Variants in GNAT3 observed in about 807,000 individuals in gnomAD.
The protein encoded by GNAT3 is G protein subunit alpha transducin 3.
Under a neutral mutation model 37.7 loss-of-function variants are expected in GNAT3, and 31 were observed. The ratio of observed to expected loss-of-function variants is 0.82; its 90% CI spans 0.62 to 1.11. The LOEUF (loss-of-function observed/expected upper bound fraction) is 1.11. Ranked by LOEUF, GNAT3 falls within the 50% of genes most tolerant of loss-of-function variation. GNAT3 has a pLI of 0.00. For synonymous variants in GNAT3, 138 were observed against 139.8 expected (o/e 0.99, Z 0.09); for missense variants, 437 against 412.5 (o/e 1.06, Z -0.51).
chr7:80,503,058 T>TA (rs1790866627), intron 1 of GNAT3, among the ~76,000 whole-genome samples: 1 of 152,000 alleles, frequency 6.6e-6, no homozygotes, highest in Non-Finnish European at 1.5e-5. Context: ...TTATTTTTTT[T>TA]AAAAAAAGCC....
At chr7:80,495,497 G>A (rs1374914315) in intron 1 of GNAT3, among the ~76,000 whole-genome samples, 1 of 151,162 alleles carries the variant, frequency 6.6e-6, no homozygotes, top group Non-Finnish European at 1.5e-5. Context: ...TTGAGATCGA[G>A]TCCCACTCTG....
At chr7:80,479,062 T>C in intron 3 of GNAT3, 64 bp from the exon 4 acceptor site, 1 of 1,106,766 alleles carries the variant, frequency 9.0e-7, no homozygotes. Flanking sequence ...TATTTTCTAA[T>C]AGAGTAATTT....
intron 5 of GNAT3, among the ~76,000 whole-genome samples, chr7:80,465,115 T>C (rs941195317): frequency 6.6e-6 from 1 of 152,136 alleles, no homozygotes; most frequent in African/African-American, 2.4e-5. Context: ...GGATGATAAA[T>C]ATGCATTCAG....
At chr7:80,501,812 A>C (rs1584196662) in intron 1 of GNAT3, among the ~76,000 whole-genome samples, 3 of 151,944 alleles carry the variant, frequency 2.0e-5, no homozygotes, top group Non-Finnish European at 4.4e-5. Context: ...AGTTTGTCAT[A>C]TCAGTAAACA....
chr7:80,491,616 A>G (rs1790593017), intron 2 of GNAT3, among the ~76,000 whole-genome samples: 2 of 152,134 alleles, frequency 1.3e-5, no homozygotes, highest in African/African-American at 4.8e-5. Context: ...TAGAAGCTGA[A>G]GAAAAGTTTT....
At chr7:80,492,980 A>AT (rs1013616912) in intron 2 of GNAT3, among the ~76,000 whole-genome samples, 48 of 152,086 alleles carry the variant, frequency 3.2e-4, no homozygotes, top group African/African-American at 1.2e-3. Context: ...GCCTATCCCC[A>AT]TTTATGTATA....
At chr7:80,462,732 C>A in intron 5 of GNAT3, 101 bp from the exon 6 acceptor site, 1 of 765,984 alleles carries the variant, frequency 1.3e-6, no homozygotes, top group South Asian at 2.4e-5. Flanking sequence ...CCCCTATCTT[C>A]AAAAGGTATT....
chr7:80,490,624 C>T (rs1790573811), intron 2 of GNAT3, among the ~76,000 whole-genome samples: 2 of 152,164 alleles, frequency 1.3e-5, no homozygotes, highest in African/African-American at 4.8e-5. Context: ...CAAATAGATG[C>T]TCACAATTTT....
At chr7:80,488,184 G>A (rs1465595536) in intron 3 of GNAT3, among the ~76,000 whole-genome samples, 2 of 151,878 alleles carry the variant, frequency 1.3e-5, no homozygotes, top group African/African-American at 4.8e-5. Context: ...CTTTGAAATG[G>A]CATAACTAAA....
At chr7:80,471,475 T>A (rs1312535288) in intron 5 of GNAT3, among the ~76,000 whole-genome samples, 1 of 151,986 alleles carries the variant, frequency 6.6e-6, no homozygotes, top group Non-Finnish European at 1.5e-5. Context: ...ATGACCATGA[T>A]TTTCTGAGGA....
chr7:80,492,666 A>T (rs1790616757), intron 2 of GNAT3, among the ~76,000 whole-genome samples: 1 of 151,584 alleles, frequency 6.6e-6, no homozygotes, highest in Non-Finnish European at 1.5e-5. Flanking sequence ...ATGCCTATGC[A>T]TATTTTATTA....
intron 1 of GNAT3, among the ~76,000 whole-genome samples, chr7:80,510,433 A>G (rs981188984): frequency 6.6e-6 from 1 of 152,180 alleles, no homozygotes; most frequent in African/African-American, 2.4e-5. Flanking sequence ...TTTTATCACC[A>G]TTCTTATGTC....
At position 80,467,948 on chromosome 7, in the gene GNAT3, T is replaced by A. The variant is rs181316435; in HGVS notation, c.591-5317A>T. ...TTTTTTGGTCTTATTTATTTAAGTT[T>A]TTTTTTTAAGGAGGGATAATATGTA... On this transcript the variant is annotated intron_variant, in intron 5 of 7. Coordinates refer to ENST00000398291, the MANE Select transcript of GNAT3 (RefSeq NM_001102386.3). Among the ~76,000 whole-genome samples, 819 of 152,174 alleles carry A rather than the reference T, an allele frequency of 5.4e-3. 11 individuals are homozygous for A. Among genetic ancestry groups the A allele is most frequent in the Non-Finnish European group, 7.8e-3 (528 of 67,954 alleles).
intron 5 of GNAT3, among the ~76,000 whole-genome samples, chr7:80,463,871 A>C (rs556461446): frequency 1.4e-4 from 21 of 150,330 alleles, no homozygotes; most frequent in African/African-American, 5.1e-4. Flanking sequence ...AATATGTGTA[A>C]GTTATCAAGG....
chr7:80,479,088 A>G (rs1478564429), intron 3 of GNAT3, 90 bp from the exon 4 acceptor site: 1 of 920,760 alleles, frequency 1.1e-6, no homozygotes, highest in Non-Finnish European at 1.6e-6. Context: ...GATAATTTTA[A>G]TCTTATTCTT....
intron 1 of GNAT3, among the ~76,000 whole-genome samples, chr7:80,503,051 T>C (rs559850872): frequency 1.3e-5 from 2 of 151,992 alleles, no homozygotes. Context: ...GTAGTCTTTA[T>C]TTTTTTTAAA....
At chr7:80,500,504 C>G (rs1239247206) in intron 1 of GNAT3, among the ~76,000 whole-genome samples, 2 of 152,004 alleles carry the variant, frequency 1.3e-5, no homozygotes, top group Non-Finnish European at 2.9e-5. Context: ...ACCAAAATCC[C>G]TGATAGGAGT....
At chr7:80,462,010 T>C in intron 7 of GNAT3, 149 bp downstream of exon 7, 1 of 603,110 alleles carries the variant, frequency 1.7e-6, no homozygotes. Context: ...TCTTTATTTG[T>C]AAGATTTTTT....
chr7:80,507,702 T>C (rs1039366625), intron 1 of GNAT3, among the ~76,000 whole-genome samples: 3 of 152,028 alleles, frequency 2.0e-5, no homozygotes, highest in African/African-American at 7.2e-5. Context: ...TGTATTCTCC[T>C]CATTCTGCTG....
Sources: gnomAD v4.1 joint callset for allele counts (sites outside exome capture counted in the v4.1 genomes callset) on GRCh38, gnomAD v4.1.1 for gene constraint, MANE v1.5 for transcripts, NCBI Gene and HGNC (gene_info 2026-07-23, HGNC 2026-07-21) for gene names.